BRSK1: variants seen among roughly 807,000 people sequenced by gnomAD.
BRSK1 encodes the protein serine/threonine-protein kinase BRSK1.
A neutral mutation model predicts 86.2 loss-of-function variants in BRSK1; 17 were observed. The ratio of observed to expected loss-of-function variants is 0.20; its 90% confidence interval spans 0.14 to 0.30. BRSK1 has a LOEUF of 0.30. Ranked by LOEUF, BRSK1 falls within the 10% of genes least tolerant of loss-of-function variation. The pLI is 1.00. For synonymous variants in BRSK1, 464 were observed against 440.1 expected, an observed-to-expected ratio of 1.05 and a Z score of -0.68; for missense variants, 719 against 1,071.9, an observed-to-expected ratio of 0.67 and a Z score of 4.60.
rs2088604663 is a variant in BRSK1, at chr19:55,303,660, C to T, written c.1127-7C>T. The stretch of plus-strand genomic sequence containing the variant: ...CTCTTGATTGGGTTGAAACTGTTGT[C>T]CCTCAGACCCCCCCCGGAAGCGTGT... On this transcript the variant is annotated splice_region_variant and splice_polypyrimidine_tract_variant and intron_variant, in intron 11 of 18. Transcript: ENST00000309383. The surrounding 1 kb of genome is among the most constrained non-coding windows in gnomAD (Gnocchi z 5.1). 1 of 1,591,394 alleles carries T rather than the reference C, an allele frequency of 6.3e-7. No homozygotes were observed. Among genetic ancestry groups the T allele is most frequent in the Non-Finnish European group, 8.6e-7 (1 of 1,168,532 alleles).
In BRSK1 at chr19:55,302,817, G is replaced by A. The variant is rs147341219; in HGVS notation, c.978G>A (p.Leu326=). 1 of 1,613,850 alleles carries A rather than the reference G, an allele frequency of 6.2e-7. No homozygotes were observed. The highest frequency in any genetic ancestry group is 1.3e-5 in the African/African-American group (1 of 75,036). The change falls in exon 10 of 19, where the codon CTG becomes CTA. Residue 326 remains leucine, a synonymous_variant. Coordinates refer to ENST00000309383, the MANE Select transcript of BRSK1 (RefSeq NM_032430.2). This position sits in a 1 kb window ranked among gnomAD's most constrained non-coding sequence, Gnocchi z 6.3. ...ACGTCCTAGAGAGCATGGCATCACT[G>A]GGCTGCTTCAGGGACCGCGAGAGGC... ...DPDVLESMAS[L]GCFRDRERLH...
At chr19:55,301,761 C>T in intron 8 of BRSK1, 103 bp downstream of exon 8, 1 of 1,364,246 alleles carries the variant, frequency 7.3e-7, no homozygotes, top group South Asian at 1.4e-5. Flanking sequence ...GCTCGTCAGT[C>T]CCCAGGGTGA....
Position 55,303,486 on chromosome 19 carries a change from C to A in BRSK1, c.1126+78C>A. The A allele has an allele frequency of 1.3e-6, 2 of 1,527,846 alleles. No individual in the cohort carries two copies. The highest frequency in any genetic ancestry group is 1.8e-6 in the Non-Finnish European group (2 of 1,104,570). The allele number at this position is 1,527,846 out of a possible 1,614,324, so 94.6% of individuals were successfully genotyped here. A position where few individuals can be genotyped will look rare whatever the true frequency, so the allele number is the denominator to read the frequency against. Reference sequence around the variant, plus strand: ...GCTGGCCACGGGGACCCCAGATTCCCAAGGAAAGAAGGGGCTGCAGGCTCT... The same window carrying A: ...GCTGGCCACGGGGACCCCAGATTCCAAAGGAAAGAAGGGGCTGCAGGCTCT... On this transcript the variant is annotated intron_variant, in intron 11 of 18. Transcript: ENST00000309383. This position sits in a 1 kb window ranked among gnomAD's most constrained non-coding sequence, Gnocchi z 5.1.
At chr19:55,286,570 A>G (rs1002228158) in intron 1 of BRSK1, among the ~76,000 whole-genome samples, 5 of 150,286 alleles carry the variant, frequency 3.3e-5, no homozygotes, top group African/African-American at 1.2e-4. Flanking sequence ...CAAATGTGAG[A>G]CTATATTCGT....
chr19:55,311,747 A>G (rs2088801198), intron 18 of BRSK1, among the ~76,000 whole-genome samples, 164 bp from the exon 19 acceptor site: 1 of 152,072 alleles, frequency 6.6e-6, no homozygotes, highest in Non-Finnish European at 1.5e-5. Context: ...CGAGTAACCA[A>G]TTCAAGGCCA....
At chr19:55,311,184 A>C (rs1425646024) in intron 18 of BRSK1, among the ~76,000 whole-genome samples, 1 of 150,966 alleles carries the variant, frequency 6.6e-6, no homozygotes, top group African/African-American at 2.4e-5. Flanking sequence ...CTGGTCTCAA[A>C]CTCCTGACCT....
In BRSK1 at chr19:55,306,487, TG is replaced by T; in HGVS notation, c.2089+40del. 6.2e-7 allele frequency: 1 copy of T among 1,605,590 alleles called. No homozygotes were observed. On this transcript the variant is annotated intron_variant, in intron 17 of 18. Coordinates refer to ENST00000309383, the MANE Select transcript of BRSK1 (RefSeq NM_032430.2). The surrounding 1 kb of genome is among the most constrained non-coding windows in gnomAD (Gnocchi z 4.7). Reference sequence around the variant, plus strand: ...GGCTAGGCTGCCTGCAGCCCAGTGCTGGGACTGTTCACGACAGCTGAGACAG... The same window carrying T: ...GGCTAGGCTGCCTGCAGCCCAGTGCTGGACTGTTCACGACAGCTGAGACAG...
intron 7 of BRSK1, among the ~76,000 whole-genome samples, chr19:55,300,452 C>T (rs1021321692): frequency 6.6e-6 from 1 of 152,204 alleles, no homozygotes; most frequent in African/African-American, 2.4e-5. Context: ...CCTGTAATCC[C>T]AGCACTTTGG....
In BRSK1 at chr19:55,308,691, G is replaced by C; in HGVS notation, c.2142G>C (p.Leu714=). 1 of 1,605,876 alleles carries C rather than the reference G, an allele frequency of 6.2e-7. No individual in the cohort carries two copies. Among genetic ancestry groups the C allele is most frequent in the Non-Finnish European group, 8.5e-7 (1 of 1,176,582 alleles). Residue 714 remains leucine (L), a synonymous_variant, in exon 18 of 19, where the codon CTG becomes CTC. Coordinates refer to ENST00000309383, the MANE Select transcript of BRSK1 (RefSeq NM_032430.2). ...RVVETIQAQL[L]STHDQPSVQA... ...TGGAGACCATCCAGGCACAGCTCCT[G>C]AGCACTCATGACCAGCCCTCCGTGC...
intron 18 of BRSK1, 52 bp downstream of exon 18, chr19:55,308,780 GT>G (rs1305847011): frequency 6.4e-6 from 1 of 156,538 alleles, no homozygotes; most frequent in Non-Finnish European, 1.1e-5. Flanking sequence ...GGGGCCGTGG[GT>G]GGCGGGGGGC....
rs535442184 is a variant in BRSK1, at chr19:55,302,195, G to A, written c.857+27G>A. 10 of 1,613,786 alleles carry A rather than the reference G, an allele frequency of 6.2e-6. No individual in the cohort carries two copies. In the East Asian group the frequency reaches 1.6e-4, roughly 25 times the overall value. Reference sequence around the variant, plus strand: ...TGAGTATGGGGTAACTGGACTCTTGGGTCCCTGGCGGAAATAGGGGAGGGG... The same window carrying A: ...TGAGTATGGGGTAACTGGACTCTTGAGTCCCTGGCGGAAATAGGGGAGGGG... On this transcript the variant is annotated intron_variant, in intron 9 of 18. Transcript: ENST00000309383. This position sits in a 1 kb window ranked among gnomAD's most constrained non-coding sequence, Gnocchi z 6.3.
At position 55,303,562 on chromosome 19, in the gene BRSK1, C is replaced by T; in HGVS notation, c.1127-105C>T. On this transcript the variant is annotated intron_variant, in intron 11 of 18. Transcript: ENST00000309383. The surrounding 1 kb of genome is among the most constrained non-coding windows in gnomAD (Gnocchi z 5.1). ...CTTGCTCTTTGACATTTATCAAATCCCCTCTCCACTCTAGGCCTGTTTCCC... is the reference window on the plus strand; with the variant it reads ...CTTGCTCTTTGACATTTATCAAATCTCCTCTCCACTCTAGGCCTGTTTCCC... 1 of 1,494,034 alleles carries T rather than the reference C, an allele frequency of 6.7e-7. No homozygotes were observed. Among genetic ancestry groups the T allele is most frequent in the Middle Eastern group, 1.8e-4 (1 of 5,658 alleles). 92.5% of individuals were successfully genotyped at this position (1,494,034 alleles called of 1,614,324 possible). A position where few individuals can be genotyped will look rare whatever the true frequency, so the allele number is the denominator to read the frequency against.
chr19:55,286,942 G>A (rs988384507), intron 1 of BRSK1, 65 bp from the exon 2 acceptor site: 4 of 1,492,646 alleles, frequency 2.7e-6, no homozygotes, highest in Non-Finnish European at 3.7e-6. Context: ...GCCAAGGGGG[G>A]ACATAGGCGC....
Position 55,284,383 on chromosome 19 carries a change from C to T in BRSK1, c.-60C>T. 1 of 864,682 alleles carries T rather than the reference C, an allele frequency of 1.2e-6. No homozygotes were observed. Among genetic ancestry groups the T allele is most frequent in the Non-Finnish European group, 1.4e-6 (1 of 713,882 alleles). The allele number at this position is 864,682 out of a possible 1,614,324, so 53.6% of individuals were successfully genotyped here. A position where few individuals can be genotyped will look rare whatever the true frequency, so the allele number is the denominator to read the frequency against. Reference sequence around the variant, plus strand: ...CGGTCGCCGGCCCCCACCGGAGAGACGGGGCGACGGCCGCAGGGGGGGCGG... The same window carrying T: ...CGGTCGCCGGCCCCCACCGGAGAGATGGGGCGACGGCCGCAGGGGGGGCGG... On this transcript the variant is annotated 5_prime_UTR_variant, in exon 1 of 19. The change creates a new upstream start codon in the 5' untranslated region. Coordinates refer to ENST00000309383, the MANE Select transcript of BRSK1 (RefSeq NM_032430.2).
intron 4 of BRSK1, among the ~76,000 whole-genome samples, chr19:55,293,380 C>T (rs1301718979): frequency 6.6e-6 from 1 of 151,684 alleles, no homozygotes; most frequent in Non-Finnish European, 1.5e-5. Flanking sequence ...CACATGCCTG[C>T]AATCCCAGCT....
Position 55,306,765 on chromosome 19 carries a change from T to C in BRSK1, c.2089+315T>C, listed in dbSNP as rs920179801. On this transcript the variant is annotated intron_variant, in intron 17 of 18. Transcript: ENST00000309383. This position sits in a 1 kb window ranked among gnomAD's most constrained non-coding sequence, Gnocchi z 4.7. ...GAAAACTGAGTCATAGGGAGGTCAATGGACTTGGCCAGAGTCACACAATAC... is the reference window on the plus strand; with the variant it reads ...GAAAACTGAGTCATAGGGAGGTCAACGGACTTGGCCAGAGTCACACAATAC... 6.6e-6 allele frequency among the ~76,000 whole-genome samples: 1 copy of C among 152,132 alleles called. No individual in the cohort carries two copies. The highest frequency in any genetic ancestry group is 2.4e-5 in the African/African-American group (1 of 41,416).
chr19:55,302,541 TG>T lies in BRSK1; in HGVS notation c.858-150del, dbSNP rs1330482383. On this transcript the variant is annotated intron_variant, in intron 9 of 18. Transcript: ENST00000309383. The surrounding 1 kb of genome is among the most constrained non-coding windows in gnomAD (Gnocchi z 6.3). ...GAGGTCTGGACTCCTGGGTCTGAGA[TG>T]GGGGGCGAGGTCTGGGGCGTCTGGA... is the stretch of plus-strand genomic sequence containing the variant. Among the ~76,000 whole-genome samples, 17 of 146,176 alleles carry T rather than the reference TG, an allele frequency of 1.2e-4. No individual in the cohort carries two copies. The highest frequency in any genetic ancestry group is 2.7e-4 in the Admixed American group (4 of 14,780).
In BRSK1 at chr19:55,302,685, C is replaced by A; in HGVS notation, c.858-12C>A. 1.3e-6 allele frequency: 2 copies of A among 1,597,572 alleles called. No homozygotes were observed. The highest frequency in any genetic ancestry group is 1.7e-6 in the Non-Finnish European group (2 of 1,169,048). ...AAGCCCGGTTCCCAATAATGTTTCTCCACTTCCCCAGAGGCGGGAAACACG... is the reference window on the plus strand; with the variant it reads ...AAGCCCGGTTCCCAATAATGTTTCTACACTTCCCCAGAGGCGGGAAACACG... On this transcript the variant is annotated splice_polypyrimidine_tract_variant and intron_variant, in intron 9 of 18. Coordinates refer to ENST00000309383, the MANE Select transcript of BRSK1 (RefSeq NM_032430.2). The surrounding 1 kb of genome is among the most constrained non-coding windows in gnomAD (Gnocchi z 6.3).
Position 55,287,913 on chromosome 19 carries a change from G to C in BRSK1, c.317+614G>C, listed in dbSNP as rs1321727761. On this transcript the variant is annotated intron_variant, in intron 3 of 18. Transcript: ENST00000309383. This position sits in a 1 kb window ranked among gnomAD's most constrained non-coding sequence, Gnocchi z 5.3. ...AGGACAGCTGGGCTGGGAAGCCGGAGAGGGGACAGCCCTCGTGTTCCCCCC... is the reference window on the plus strand; with the variant it reads ...AGGACAGCTGGGCTGGGAAGCCGGACAGGGGACAGCCCTCGTGTTCCCCCC... 6.4e-6 allele frequency: 1 copy of C among 156,788 alleles called. No homozygotes were observed. The allele number at this position is 156,788 out of a possible 1,614,324, so 9.7% of individuals were successfully genotyped here. A position where few individuals can be genotyped will look rare whatever the true frequency, so the allele number is the denominator to read the frequency against.
Sources: gnomAD v4.1 joint callset for allele counts (sites outside exome capture counted in the v4.1 genomes callset) on GRCh38, gnomAD v4.1.1 for gene constraint, Gnocchi (gnomAD v3.1) non-coding constraint, MANE v1.5 for transcripts, NCBI Gene and HGNC (gene_info 2026-07-23, HGNC 2026-07-21) for gene names.